CHD2: variants seen among roughly 807,000 people sequenced by gnomAD.
CHD2 encodes the protein ATP-dependent chromatin remodeler CHD2.
CHD2 carries 28 observed loss-of-function variants against 243.9 expected under a neutral mutation model. The observed-to-expected ratio is 0.11, with a 90% CI of 0.09 to 0.16. The LOEUF (loss-of-function observed/expected upper bound fraction) is 0.16. CHD2 is among the 10% of genes least tolerant of loss of function. The pLI is 1.00. For synonymous variants in CHD2, 775 were observed against 779.0 expected, an observed-to-expected ratio of 0.99 and a Z score of 0.09; for missense variants, 1,386 against 2,209.8, an observed-to-expected ratio of 0.63 and a Z score of 7.47.
chr15:92,930,547 G>C (rs2053147688), intron 5 of CHD2, among the ~76,000 whole-genome samples: 1 of 151,972 alleles, frequency 6.6e-6, no homozygotes, highest in Non-Finnish European at 1.5e-5. Flanking sequence ...ACCCACCTAA[G>C]CCACTCGAGT....
intron 36 of CHD2, 73 bp downstream of exon 36, chr15:93,012,517 T>C: frequency 9.2e-7 from 1 of 1,085,194 alleles, no homozygotes; most frequent in Non-Finnish European, 1.3e-6. Flanking sequence ...AATTTTTGTT[T>C]TTCCATGGGG....
At chr15:92,929,241 C>G (rs1260509000) in intron 5 of CHD2, 150 bp downstream of exon 5, 1 of 667,074 alleles carries the variant, frequency 1.5e-6, no homozygotes, top group Non-Finnish European at 2.6e-6. Context: ...CTACCTTGAC[C>G]TGTTGCAATA....
At chr15:92,928,613 A>G (rs1218267413) in intron 4 of CHD2, among the ~76,000 whole-genome samples, 1 of 152,194 alleles carries the variant, frequency 6.6e-6, no homozygotes, top group Non-Finnish European at 1.5e-5. Context: ...GGTCCCCACT[A>G]CTCACATGTG....
chr15:92,981,120 TG>T, intron 23 of CHD2, among the ~76,000 whole-genome samples: 1 of 152,230 alleles, frequency 6.6e-6, no homozygotes, highest in South Asian at 2.1e-4. Context: ...TTTTTTGGGT[TG>T]TTTTTTTCTC....
At chr15:92,981,292 A>G in intron 23 of CHD2, 73 bp from the exon 24 acceptor site, 1 of 1,001,556 alleles carries the variant, frequency 1.0e-6, no homozygotes, top group Non-Finnish European at 1.5e-6. Flanking sequence ...AGTAAATACG[A>G]ATAATTTCTG....
chr15:92,967,568 AT>A, intron 17 of CHD2, 55 bp downstream of exon 17: 1 of 1,283,002 alleles, frequency 7.8e-7, no homozygotes. Flanking sequence ...CCATGAAACT[AT>A]TAGATAGGAG....
intron 37 of CHD2, among the ~76,000 whole-genome samples, chr15:93,017,492 ATTTTTTTTTTTTT>A (rs760713016): frequency 5.2e-5 from 5 of 96,806 alleles, no homozygotes; most frequent in African/African-American, 8.0e-5. Flanking sequence ...TGCCGGGCTA[ATTTTTTTTTTTTT>A]TTTTTTTTTT....
At chr15:92,977,992 A>C (rs748120695) in intron 20 of CHD2, among the ~76,000 whole-genome samples, 75 of 151,480 alleles carry the variant, frequency 5.0e-4, no homozygotes, top group Admixed American at 1.2e-3. Context: ...TAATTCTCTC[A>C]CTCCCATTGC....
At chr15:93,020,718 T>C (rs1357071778) in intron 38 of CHD2, 1 of 198,862 alleles carries the variant, frequency 5.0e-6, no homozygotes, top group Non-Finnish European at 1.0e-5. Context: ...AAGCTTTACA[T>C]TGTGAGAGTA....
In CHD2 at chr15:92,914,973, T is replaced by G. The variant is rs550248564; in HGVS notation, c.63-9348T>G. ...CTTATGCCAGCTCACACTGTCTGTC[T>G]GGGGATTTGGGTATCTTCTTTCCTG... On this transcript the variant is annotated intron_variant, in intron 2 of 38. Coordinates refer to ENST00000394196, the MANE Select transcript of CHD2 (RefSeq NM_001271.4). The G allele has an allele frequency of 2.0e-5, 3 of 152,324 alleles. No homozygotes were observed. In the South Asian group the frequency reaches 6.2e-4, roughly 32 times the overall value. The allele number at this position is 152,324 out of a possible 1,614,324, so 9.4% of individuals were successfully genotyped here.
At chr15:92,991,382 G>A in intron 26 of CHD2, 94 bp from the exon 27 acceptor site, 1 of 822,852 alleles carries the variant, frequency 1.2e-6, no homozygotes, top group South Asian at 1.9e-5. Flanking sequence ...TTGACAATTT[G>A]CATGGCTCAT....
intron 9 of CHD2, chr15:92,943,523 G>T (rs1233152259): frequency 1.2e-5 from 2 of 163,966 alleles, no homozygotes; most frequent in African/African-American, 4.8e-5. Context: ...TCTGGGTTAT[G>T]ATATACTTAA....
rs1227431488 is a variant in CHD2 at position 92,998,104 on chromosome 15, A to G, written c.3886-395A>G. ...TGGCGTAGCTCAGTGCTCTCCGGCA[A>G]TGCTCTAAGAAGCATTTTCAATCTA... On this transcript the variant is annotated intron_variant, in intron 30 of 38. Transcript: ENST00000394196. The surrounding 1 kb of genome is among the most constrained non-coding windows in gnomAD (Gnocchi z 5.1). The G allele has an allele frequency of 1.2e-6, 1 of 849,566 alleles. No individual in the cohort carries two copies. The highest frequency in any genetic ancestry group is 4.9e-5 in the South Asian group (1 of 20,334). 52.6% of individuals were successfully genotyped at this position (849,566 alleles called of 1,614,324 possible). A position where few individuals can be genotyped will look rare whatever the true frequency, so the allele number is the denominator to read the frequency against.
At chr15:92,944,182 G>A (rs192541373) in intron 9 of CHD2, 3 of 301,650 alleles carry the variant, frequency 9.9e-6, no homozygotes, top group Non-Finnish European at 1.9e-5. Flanking sequence ...TCAGAGGCAG[G>A]TAACTGGTAT....
chr15:92,935,252 G>A (rs1010886860), intron 5 of CHD2, among the ~76,000 whole-genome samples: 16 of 152,214 alleles, frequency 1.1e-4, no homozygotes, highest in South Asian at 1.0e-3. Context: ...TAGCCAGGAT[G>A]GTCTCAATCT....
At chr15:92,949,560 G>A (rs1268894339) in intron 13 of CHD2, among the ~76,000 whole-genome samples, 1 of 152,108 alleles carries the variant, frequency 6.6e-6, no homozygotes, top group African/African-American at 2.4e-5. Context: ...GGATTATCCT[G>A]TTCAGAGGAA....
chr15:92,999,994 C>T (rs2054233378), intron 31 of CHD2, among the ~76,000 whole-genome samples: 1 of 152,136 alleles, frequency 6.6e-6, no homozygotes. Flanking sequence ...CAAGGTGGCT[C>T]ACACCTGTAA....
chr15:92,947,950 G>T (rs1471580420), intron 12 of CHD2, among the ~76,000 whole-genome samples: 1 of 152,186 alleles, frequency 6.6e-6, no homozygotes, highest in Non-Finnish European at 1.5e-5. Flanking sequence ...ATGTAACTTT[G>T]AGATACATCC....
intron 26 of CHD2, among the ~76,000 whole-genome samples, chr15:92,989,162 G>A (rs1039623297): frequency 4.6e-5 from 7 of 151,382 alleles, no homozygotes; most frequent in Non-Finnish European, 4.4e-5. Flanking sequence ...CTCCCGAGTA[G>A]CTGGGATTAC....
Sources: gnomAD v4.1 joint callset for allele counts (sites outside exome capture counted in the v4.1 genomes callset) on GRCh38, gnomAD v4.1.1 for gene constraint, Gnocchi (gnomAD v3.1) non-coding constraint, MANE v1.5 for transcripts, NCBI Gene and HGNC (gene_info 2026-07-23, HGNC 2026-07-21) for gene names.